MGST2: variants seen among roughly 807,000 people sequenced by gnomAD.
MGST2 encodes the protein microsomal glutathione S-transferase 2.
Under a neutral mutation model 16.6 loss-of-function variants are expected in MGST2, and 9 were observed. The observed-to-expected ratio is 0.54, with a 90% CI of 0.33 to 0.95. The LOEUF is 0.95. MGST2 is among the 40% of genes least tolerant of loss of function. The probability of loss-of-function intolerance (pLI) is 0.03; values close to 1 mark genes in which losing one functional copy is unlikely to be tolerated. For synonymous variants in MGST2, 79 were observed against 68.0 expected (o/e 1.16, Z -0.79); for missense variants, 159 against 175.1 (o/e 0.91, Z 0.52).
At chr4:139,705,417 T>C (rs906710001), downstream of MGST2, among the ~76,000 whole-genome samples, 3 of 152,192 alleles carry the variant, frequency 2.0e-5, no homozygotes, top group Non-Finnish European at 2.9e-5. Context: ...GGAGTTAGTA[T>C]GAAATGTCAT....
chr4:139,727,925 CTG>C (rs1194751895), intron 5 of MGST2, among the ~76,000 whole-genome samples: 1 of 152,144 alleles, frequency 6.6e-6, no homozygotes, highest in African/African-American at 2.4e-5. Context: ...AAACGAAAAA[CTG>C]AGAGCTGGCC....
chr4:139,715,954 G>A lies in MGST2; in HGVS notation c.*48+11758G>A, dbSNP rs551322064. Among the ~76,000 whole-genome samples the A allele has an allele frequency of 2.6e-5, 4 of 152,250 alleles. No homozygotes were observed. Among genetic ancestry groups the A allele is most frequent in the Admixed American group, 2.0e-4 (3 of 15,298 alleles). On this transcript the variant is annotated intron_variant, in intron 5 of 5. Coordinates refer to the MGST2 transcript ENST00000616265. The surrounding 1 kb of genome is among the most constrained non-coding windows in gnomAD (Gnocchi z 4.4). ...TTACCCAGCTCCTATTTAACATGGA[G>A]TTGCTCTGGTTCACACGCCTCTGAC...
At chr4:139,719,972 G>A in intron 5 of MGST2, 1 of 1,614,088 alleles carries the variant, frequency 6.2e-7, no homozygotes, top group Admixed American at 1.7e-5. Flanking sequence ...GGTAATGGCT[G>A]AGTTCACCAG....
intron 2 of MGST2, among the ~76,000 whole-genome samples, chr4:139,691,328 A>G (rs1180046641): frequency 1.3e-5 from 2 of 152,226 alleles, no homozygotes; most frequent in Admixed American, 1.3e-4. Flanking sequence ...TGCCTTCATG[A>G]CTTAAAAGAG....
intron 1 of MGST2, among the ~76,000 whole-genome samples, chr4:139,667,794 G>A (rs527313380): frequency 6.6e-6 from 1 of 152,036 alleles, no homozygotes; most frequent in African/African-American, 2.4e-5. Context: ...GGAGGGGGAG[G>A]TTGCAGTGGA....
intron 1 of MGST2, among the ~76,000 whole-genome samples, chr4:139,676,629 A>G (rs1160208653): frequency 6.6e-6 from 1 of 152,152 alleles, no homozygotes; most frequent in Non-Finnish European, 1.5e-5. Context: ...TTTCAATATT[A>G]ATCACATCTA....
downstream of MGST2, among the ~76,000 whole-genome samples, chr4:139,745,402 A>G (rs1285313894): frequency 2.6e-5 from 4 of 152,182 alleles, no homozygotes; most frequent in Non-Finnish European, 5.9e-5. Flanking sequence ...CTGGATCTGG[A>G]GAAAAGTGGG....
chr4:139,714,064 G>A (rs1212913748), intron 5 of MGST2, among the ~76,000 whole-genome samples: 1 of 152,150 alleles, frequency 6.6e-6, no homozygotes, highest in Non-Finnish European at 1.5e-5. Context: ...TGGTTAAAAG[G>A]TCAAGCTCCC....
rs116079301 is a variant in MGST2, at chr4:139,693,439, G to A, written c.159-1758G>A. ...AAAAAAAAAAAGAAATTTTCAGTGA[G>A]TGTGGAAGGACTAGAGCCTTCCTCT... On this transcript the variant is annotated intron_variant, in intron 2 of 4. Coordinates refer to ENST00000265498, the MANE Select transcript of MGST2 (RefSeq NM_002413.5). 2.6e-3 allele frequency among the ~76,000 whole-genome samples: 399 copies of A among 151,320 alleles called. 2 individuals are homozygous for A. The highest frequency in any genetic ancestry group is 9.3e-3 in the African/African-American group (384 of 41,248).
At chr4:139,688,805 A>G (rs993530791) in intron 2 of MGST2, among the ~76,000 whole-genome samples, 3 of 152,138 alleles carry the variant, frequency 2.0e-5, no homozygotes, top group Admixed American at 2.0e-4. Context: ...TTATCCACTG[A>G]ATTATTATAA....
intron 5 of MGST2, chr4:139,718,711 C>G (rs995199417): frequency 2.0e-5 from 3 of 152,940 alleles, no homozygotes; most frequent in African/African-American, 7.2e-5. Context: ...ACAGACAGTC[C>G]TGTAGGATCT....
At chr4:139,709,196 C>T (rs1727646146), downstream of MGST2, among the ~76,000 whole-genome samples, 1 of 146,602 alleles carries the variant, frequency 6.8e-6, no homozygotes, top group South Asian at 2.2e-4. Context: ...CATTCTCCTG[C>T]CTCAGCCTCC....
At chr4:139,691,433 A>C (rs1186537763) in intron 2 of MGST2, among the ~76,000 whole-genome samples, 3 of 152,212 alleles carry the variant, frequency 2.0e-5, no homozygotes, top group African/African-American at 7.2e-5. Context: ...TGAGTTAAAC[A>C]TGCCTGCTGA....
chr4:139,671,625 C>T (rs533214590), intron 1 of MGST2, among the ~76,000 whole-genome samples: 13 of 151,912 alleles, frequency 8.6e-5, no homozygotes, highest in Non-Finnish European at 1.3e-4. Context: ...CCACCATGCC[C>T]GGCTAATTTT....
chr4:139,713,760 G>A (rs77395590), intron 5 of MGST2, among the ~76,000 whole-genome samples: 3,800 of 152,230 alleles, frequency 0.025, 160 homozygotes, highest in African/African-American at 0.087. Context: ...TTAGTGAAAG[G>A]AAAATTTAAG....
intron 5 of MGST2, among the ~76,000 whole-genome samples, chr4:139,738,000 G>A (rs1014756468): frequency 6.6e-6 from 1 of 152,246 alleles, no homozygotes; most frequent in Non-Finnish European, 1.5e-5. Flanking sequence ...CCAATGCGAA[G>A]GCTGCTAAAT....
the MGST2 span, among the ~76,000 whole-genome samples, chr4:139,746,047 C>T: frequency 6.6e-6 from 1 of 152,104 alleles, no homozygotes; most frequent in African/African-American, 2.4e-5. Flanking sequence ...TCTATGGTGG[C>T]CCAATTAAAG....
chr4:139,733,717 C>T (rs1319732663), intron 5 of MGST2, among the ~76,000 whole-genome samples: 1 of 152,160 alleles, frequency 6.6e-6, no homozygotes, highest in African/African-American at 2.4e-5. Context: ...CAGGGTTTCA[C>T]TCCGTTGCCC....
chr4:139,744,545 G>A (rs1034228903), downstream of MGST2, among the ~76,000 whole-genome samples: 2 of 152,170 alleles, frequency 1.3e-5, no homozygotes, highest in African/African-American at 2.4e-5. Flanking sequence ...AGAACACAAT[G>A]TGTGGCGTGT....
Sources: allele counts gnomAD v4.1 joint callset (sites outside exome capture counted in the v4.1 genomes callset), GRCh38; gene constraint gnomAD v4.1.1; non-coding constraint Gnocchi (gnomAD v3.1); transcripts MANE v1.5; gene names NCBI Gene and HGNC (gene_info 2026-07-23, HGNC 2026-07-21).